The following COL4A5 variants were observed in gnomAD, a reference collection of about 807,000 sequenced individuals.
COL4A5 encodes the protein collagen type IV alpha 5 chain, also known as collagen alpha-5(IV) chain.
In COL4A5, 26 loss-of-function variants were observed where a neutral mutation model predicts 130.2. The ratio of observed to expected loss-of-function variants is 0.20; its 90% CI spans 0.15 to 0.28. The LOEUF (loss-of-function observed/expected upper bound fraction) is 0.28. Among genes scored for constraint, COL4A5 ranks in the 10% least tolerant of loss-of-function variants. The pLI, the probability that COL4A5 is intolerant of heterozygous loss-of-function variation, is 1.00. For synonymous variants in COL4A5, 496 were observed against 439.6 expected, an observed-to-expected ratio of 1.13 and a Z score of -1.60; for missense variants, 1,131 against 1,344.3, an observed-to-expected ratio of 0.84 and a Z score of 2.48.
intron 36 of COL4A5, among the ~76,000 whole-genome samples, chrX:108,638,824 A>G (rs2067402914): frequency 8.9e-6 from 1 of 112,091 alleles, no homozygotes; most frequent in African/African-American, 3.2e-5. Context: ...TTAAATTTAC[A>G]GTTGCATCAA....
intron 2 of COL4A5, among the ~76,000 whole-genome samples, chrX:108,543,813 A>T (rs910762816): frequency 8.9e-6 from 1 of 111,792 alleles, no homozygotes; most frequent in Non-Finnish European, 1.9e-5. Flanking sequence ...CTCCTCGAAG[A>T]GGTCCTTCAC....
intron 30 of COL4A5, among the ~76,000 whole-genome samples, chrX:108,618,185 T>C (rs751468049): frequency 1.1e-4 from 12 of 111,325 alleles, no homozygotes; most frequent in Non-Finnish European, 1.9e-4. Context: ...TTGGGATTTA[T>C]ATTGACTTCT....
chrX:108,627,834 A>T (rs2067181404), intron 36 of COL4A5: 1 of 111,321 alleles, frequency 9.0e-6, no homozygotes, highest in Admixed American at 9.6e-5. Flanking sequence ...GCATGCATAT[A>T]TGGTATTTCA....
At chrX:108,505,513 A>G (rs1341555040) in intron 1 of COL4A5, among the ~76,000 whole-genome samples, 1 of 111,805 alleles carries the variant, frequency 8.9e-6, no homozygotes, top group Admixed American at 9.5e-5. Context: ...AGGTAACTGT[A>G]TATGGAGTAA....
chrX:108,526,725 C>CTTTCTTTT (rs1239694615), intron 1 of COL4A5, among the ~76,000 whole-genome samples: 6 of 80,319 alleles, frequency 7.5e-5, no homozygotes, highest in Non-Finnish European at 1.2e-4. Flanking sequence ...TTCTTTCTTT[C>CTTTCTTTT]TTCCTCCTCC....
At chrX:108,531,719 A>G (rs2065388097) in intron 1 of COL4A5, among the ~76,000 whole-genome samples, 1 of 111,269 alleles carries the variant, frequency 9.0e-6, no homozygotes, top group Non-Finnish European at 1.9e-5. Context: ...TCTAACCAAG[A>G]AAAGACCCAA....
rs1007984408 is a variant in COL4A5 at position 108,578,294 on chromosome X, G to A, written c.691G>A (p.Glu231Lys). ...TCTTATTTTATCTTGCAAACAGGGT[G>A]AGCAAGGTCTTCAGGGCCCACCTGG... ...NFQGPKGEKGEQGLQGPPGPP... is the reference protein window; with the variant it reads ...NFQGPKGEKGKQGLQGPPGPP... The change falls in exon 13 of 53, where the codon GAG becomes AAG. Residue 231 changes from glutamate to lysine, a missense_variant. Physicochemically the swap from Glu to Lys is moderately conservative, Grantham distance 56. Transcript: ENST00000328300. 2.5e-6 allele frequency: 3 copies of A among 1,205,118 alleles called. No homozygotes were observed. In the African/African-American group the frequency reaches 5.3e-5, roughly 21 times the overall value.
rs1170168807 is a variant in COL4A5, at chrX:108,552,610, C to CA, written c.142-6448dup. On this transcript the variant is annotated intron_variant, in intron 2 of 52. Coordinates refer to ENST00000328300, the MANE Select transcript of COL4A5 (RefSeq NM_033380.3). ...TGCAAGTCTCATACCCTGAAAACTA[C>CA]AAAAAATATTGCGGTGAGAAATAAA... 2.7e-5 allele frequency among the ~76,000 whole-genome samples: 3 copies of CA among 111,535 alleles called. No homozygotes were observed. The Admixed American group carries it at 2.9e-4, about 11-fold the overall frequency.
In COL4A5 at chrX:108,668,512, C is replaced by T. The variant is rs769160854; in HGVS notation, c.3790+8C>T. ...GTCCTCCTGGGAGACCAGGTATGTC[C>T]GTGAGTGGTAGGAGAATGGTCTATT... is the stretch of plus-strand genomic sequence containing the variant. On this transcript the variant is annotated splice_region_variant and intron_variant, in intron 41 of 52. Transcript: ENST00000328300. 46 of 1,152,408 alleles carry T rather than the reference C, an allele frequency of 4.0e-5. No individual in the cohort carries two copies. The highest frequency in any genetic ancestry group is 6.3e-5 in the South Asian group (3 of 47,614). 95.0% of individuals were successfully genotyped at this position (1,152,408 alleles called of 1,213,427 possible). A position where few individuals can be genotyped will look rare whatever the true frequency, so the allele number is the denominator to read the frequency against.
intron 44 of COL4A5, among the ~76,000 whole-genome samples, chrX:108,679,204 A>G: frequency 8.9e-6 from 1 of 112,142 alleles, no homozygotes; most frequent in Non-Finnish European, 1.9e-5. Context: ...GCAACTAATA[A>G]AACTGTAGGA....
rs200348997 is a variant in COL4A5 at position 108,601,461 on chromosome X, A to G, written c.2017A>G (p.Arg673Gly). The G allele has an allele frequency of 2.6e-4, 307 of 1,200,445 alleles. No homozygotes were observed. The highest frequency in any genetic ancestry group is 1.8e-3 in the Middle Eastern group (6 of 3,296). ...GKPGLPGNPG[R>G]DGDVGLPGDP... ...GCCTGGCTTGCCTGGTAACCCAGGC[A>G]GAGATGGTGATGTAGGTCTTCCAGG... The change falls in exon 26 of 53, where the codon AGA (arginine) becomes GGA (glycine). Residue 673 changes from arginine (R) to glycine (G), a missense_variant. By Grantham distance (125) the Arg-to-Gly change is moderately radical (BLOSUM62 -2). Transcript: ENST00000328300.
intron 2 of COL4A5, among the ~76,000 whole-genome samples, chrX:108,544,290 C>A (rs1569483856): frequency 8.9e-6 from 1 of 111,953 alleles, no homozygotes; most frequent in Non-Finnish European, 1.9e-5. Flanking sequence ...CCCATCAATA[C>A]CTAATTTATT....
At chrX:108,681,533 A>G (rs1201167854) in intron 46 of COL4A5, among the ~76,000 whole-genome samples, 1 of 111,682 alleles carries the variant, frequency 9.0e-6, no homozygotes, top group African/African-American at 3.3e-5. Flanking sequence ...AAGGTTTGAA[A>G]ATAGAGATGA....
At chrX:108,547,885 C>T (rs890760153) in intron 2 of COL4A5, among the ~76,000 whole-genome samples, 2 of 111,926 alleles carry the variant, frequency 1.8e-5, no homozygotes, top group Non-Finnish European at 3.8e-5. Flanking sequence ...AGCGAGGCTC[C>T]GTGGGTTTAG....
At chrX:108,448,896 C>T (rs934720433) in intron 1 of COL4A5, among the ~76,000 whole-genome samples, 6 of 111,376 alleles carry the variant, frequency 5.4e-5, no homozygotes, top group Non-Finnish European at 5.7e-5. Context: ...AATATTAGTG[C>T]CCCTCATACT....
intron 1 of COL4A5, among the ~76,000 whole-genome samples, chrX:108,535,412 T>C (rs2065442636): frequency 9.0e-6 from 1 of 111,412 alleles, no homozygotes; most frequent in African/African-American, 3.3e-5. Context: ...AAAAAAATGA[T>C]ACATTAGAAT....
chrX:108,634,191 G>A (rs1437440678), intron 36 of COL4A5, among the ~76,000 whole-genome samples: 1 of 95,645 alleles, frequency 1.0e-5, no homozygotes, highest in Non-Finnish European at 2.0e-5. Context: ...GAGAAAATTA[G>A]CCAACAAAGA....
chrX:108,658,097 G>A (rs1266776478), intron 37 of COL4A5, among the ~76,000 whole-genome samples: 2 of 110,418 alleles, frequency 1.8e-5, no homozygotes, highest in East Asian at 2.8e-4. Flanking sequence ...CAGGGTTTTG[G>A]CACATATATT....
chrX:108,451,902 A>G (rs1390220458), intron 1 of COL4A5, among the ~76,000 whole-genome samples: 1 of 111,717 alleles, frequency 9.0e-6, no homozygotes, highest in Non-Finnish European at 1.9e-5. Context: ...TTGGTGTTTT[A>G]GACATGAAGT....
Sources: allele counts gnomAD v4.1 joint callset (sites outside exome capture counted in the v4.1 genomes callset), GRCh38; gene constraint gnomAD v4.1.1; transcripts MANE v1.5; gene names NCBI Gene and HGNC (gene_info 2026-07-23, HGNC 2026-07-21).